Variants in SUGCT observed in about 807,000 individuals in gnomAD.
The protein encoded by SUGCT is succinyl-CoA:glutarate-CoA transferase.
Under a neutral mutation model 55.0 loss-of-function variants are expected in SUGCT, and 41 were observed. The ratio of observed to expected loss-of-function variants is 0.74; its 90% CI spans 0.58 to 0.97. The LOEUF is 0.97. Among genes scored for constraint, SUGCT ranks in the 50% least tolerant of loss-of-function variants. SUGCT has a pLI of 0.00. For synonymous variants in SUGCT, 187 were observed against 200.4 expected, an observed-to-expected ratio of 0.93 and a Z score of 0.56; for missense variants, 568 against 547.8, an observed-to-expected ratio of 1.04 and a Z score of -0.37.
intron 6 of SUGCT, among the ~76,000 whole-genome samples, chr7:40,223,039 T>TTCCA (rs1284293177): frequency 4.9e-4 from 65 of 133,488 alleles, no homozygotes; most frequent in Non-Finnish European, 5.8e-4. Context: ...CCTTCCTTCC[T>TTCCA]TCCATCCATC....
chr7:40,316,952 GCT>G, intron 9 of SUGCT, 97 bp downstream of exon 9: 2 of 208,058 alleles, frequency 9.6e-6, no homozygotes, highest in Non-Finnish European at 1.8e-5. Flanking sequence ...AAATCCTTCA[GCT>G]GTTTTTTTTT....
chr7:40,714,643 G>A (rs922874185), intron 12 of SUGCT, among the ~76,000 whole-genome samples: 5 of 152,082 alleles, frequency 3.3e-5, no homozygotes, highest in African/African-American at 1.2e-4. Flanking sequence ...TTACATAACT[G>A]CATAGGTCTT....
the SUGCT span, among the ~76,000 whole-genome samples, chr7:40,990,244 A>G: frequency 6.6e-6 from 1 of 152,190 alleles, no homozygotes; most frequent in South Asian, 2.1e-4. Flanking sequence ...ACACATCTCC[A>G]TCAGAGCTCT....
At chr7:40,448,847 AC>A (rs1485175062) in intron 9 of SUGCT, among the ~76,000 whole-genome samples, 3 of 151,838 alleles carry the variant, frequency 2.0e-5, no homozygotes, top group Non-Finnish European at 4.4e-5. Context: ...AGACCCTGTC[AC>A]CAAATACATA....
At chr7:40,889,984 C>T in the SUGCT span, among the ~76,000 whole-genome samples, 204 of 151,948 alleles carry the variant, frequency 1.3e-3, no homozygotes, top group Non-Finnish European at 2.5e-3. Flanking sequence ...AATGCAAGCT[C>T]CATGAGGTCA....
At chr7:40,451,891 T>C (rs1396397799) in intron 10 of SUGCT, among the ~76,000 whole-genome samples, 1 of 152,222 alleles carries the variant, frequency 6.6e-6, no homozygotes, top group Admixed American at 6.5e-5. Flanking sequence ...TTATTCAAAC[T>C]GGGCTTATAG....
chr7:40,496,707 CT>C (rs1791994946), intron 12 of SUGCT, among the ~76,000 whole-genome samples: 1 of 124,966 alleles, frequency 8.0e-6, no homozygotes, highest in Non-Finnish European at 1.7e-5. Flanking sequence ...AGAGACTATT[CT>C]TTGTAGGAAG....
chr7:40,283,479 T>G (rs1793103726), intron 8 of SUGCT, among the ~76,000 whole-genome samples: 1 of 152,278 alleles, frequency 6.6e-6, no homozygotes, highest in South Asian at 2.1e-4. Context: ...TCTACCCACC[T>G]TGGCCTCCCA....
In SUGCT at chr7:40,153,920, C is replaced by G. The variant is rs1311163774; in HGVS notation, c.100+18800C>G. 1.9e-5 allele frequency: 7 copies of G among 377,334 alleles called. No individual in the cohort carries two copies. The East Asian group carries it at 4.4e-4, about 24-fold the overall frequency. 23.4% of individuals were successfully genotyped at this position (377,334 alleles called of 1,614,324 possible). ...AAGAGAAACTGGAACCTTCATCCAC[C>G]TTGCCTATGGGAGATGAGTTGCGTC... is the stretch of plus-strand genomic sequence containing the variant. On this transcript the variant is annotated intron_variant, in intron 1 of 13. Transcript: ENST00000335693.
At chr7:40,794,721 AT>A (rs1563008836) in intron 13 of SUGCT, among the ~76,000 whole-genome samples, 1 of 151,830 alleles carries the variant, frequency 6.6e-6, no homozygotes, top group African/African-American at 2.4e-5. Context: ...TTTTTTATTT[AT>A]TTTTTATCAA....
At chr7:40,477,849 T>G (rs541728749) in intron 11 of SUGCT, among the ~76,000 whole-genome samples, 8 of 152,308 alleles carry the variant, frequency 5.3e-5, no homozygotes, top group African/African-American at 1.9e-4. Flanking sequence ...AGGTTATGTT[T>G]GATATGTTGC....
intron 12 of SUGCT, among the ~76,000 whole-genome samples, chr7:40,699,457 T>C (rs1785080320): frequency 6.6e-6 from 1 of 152,094 alleles, no homozygotes; most frequent in South Asian, 2.1e-4. Flanking sequence ...CACCCTAGAG[T>C]TGGCTTGCTC....
At chr7:40,265,930 A>T (rs1006452952) in intron 7 of SUGCT, among the ~76,000 whole-genome samples, 11 of 150,938 alleles carry the variant, frequency 7.3e-5, no homozygotes, top group Non-Finnish European at 1.5e-4. Flanking sequence ...CAGCCTGGAC[A>T]ACAGAGCAAA....
the SUGCT span, among the ~76,000 whole-genome samples, chr7:41,007,771 T>G: frequency 7.9e-6 from 1 of 126,974 alleles, no homozygotes; most frequent in African/African-American, 2.9e-5. Context: ...GAATTTGCTT[T>G]AAGTAAAAGC....
At chr7:40,545,875 T>C (rs1004078229) in intron 12 of SUGCT, among the ~76,000 whole-genome samples, 1 of 152,216 alleles carries the variant, frequency 6.6e-6, no homozygotes, top group African/African-American at 2.4e-5. Context: ...ATGAATGTGA[T>C]TCAAACAATG....
At chr7:40,240,367 C>T (rs1313048937) in intron 7 of SUGCT, among the ~76,000 whole-genome samples, 1 of 152,034 alleles carries the variant, frequency 6.6e-6, no homozygotes, top group Admixed American at 6.6e-5. Flanking sequence ...CCTGTAATCC[C>T]AGCTACTCTG....
At chr7:40,620,793 A>G (rs1799228679) in intron 12 of SUGCT, among the ~76,000 whole-genome samples, 1 of 152,186 alleles carries the variant, frequency 6.6e-6, no homozygotes, top group Admixed American at 6.5e-5. Context: ...AAACACAAAT[A>G]GATTGTTAAG....
chr7:40,871,522 C>A, the SUGCT span, among the ~76,000 whole-genome samples: 1 of 152,164 alleles, frequency 6.6e-6, no homozygotes, highest in Non-Finnish European at 1.5e-5. Context: ...TGAACCTTGA[C>A]CAAATTTCTG....
intron 9 of SUGCT, among the ~76,000 whole-genome samples, chr7:40,351,257 A>G (rs1797617923): frequency 1.3e-5 from 2 of 151,988 alleles, no homozygotes; most frequent in African/African-American, 4.8e-5. Flanking sequence ...GTCTAATATT[A>G]TGTTTAAGTA....
Sources: allele counts gnomAD v4.1 joint callset (sites outside exome capture counted in the v4.1 genomes callset), GRCh38; gene constraint gnomAD v4.1.1; transcripts MANE v1.5; gene names NCBI Gene and HGNC (gene_info 2026-07-23, HGNC 2026-07-21).